Variants in FAM13A observed in about 807,000 individuals in gnomAD.
FAM13A encodes the protein protein FAM13A.
In FAM13A, 76 loss-of-function variants were observed where a neutral mutation model predicts 129.6. The observed-to-expected ratio is 0.59, with a 90% CI of 0.49 to 0.71. The LOEUF (loss-of-function observed/expected upper bound fraction) is 0.71, where lower values mean the gene tolerates loss of function less well. FAM13A is among the 30% of genes least tolerant of loss of function. The pLI, the probability that FAM13A is intolerant of heterozygous loss-of-function variation, is 0.00. For missense variants in FAM13A, 1,108 were observed against 1,249.3 expected (o/e 0.89, Z 1.70); for synonymous variants, 443 against 449.9 (o/e 0.98, Z 0.20).
intron 1 of FAM13A, among the ~76,000 whole-genome samples, chr4:89,055,646 A>G (rs1257280119): frequency 6.6e-6 from 1 of 152,156 alleles, no homozygotes; most frequent in East Asian, 1.9e-4. Context: ...TCTTTTATAA[A>G]GCTAGAAAAA....
intron 20 of FAM13A, 141 bp from the exon 21 acceptor site, chr4:88,737,696 A>G: frequency 1.4e-6 from 1 of 696,544 alleles, no homozygotes; most frequent in Non-Finnish European, 2.5e-6. Flanking sequence ...CTCCCAGGAA[A>G]ACCTGAAACA....
At chr4:88,750,660 TC>T in intron 14 of FAM13A, 23 bp from the exon 15 acceptor site, 7 of 1,204,718 alleles carry the variant, frequency 5.8e-6, no homozygotes, top group Non-Finnish European at 7.8e-6. Flanking sequence ...GGCAGTAAGA[TC>T]AGGACTGTTC....
At chr4:88,788,315 T>C (rs749754202) in intron 9 of FAM13A, among the ~76,000 whole-genome samples, 3 of 152,176 alleles carry the variant, frequency 2.0e-5, no homozygotes, top group African/African-American at 4.8e-5. Context: ...GGCAATTTCA[T>C]ACCAATTCTA....
chr4:89,045,844 A>G (rs756649082), intron 1 of FAM13A, among the ~76,000 whole-genome samples: 3 of 151,872 alleles, frequency 2.0e-5, no homozygotes, highest in Admixed American at 1.3e-4. Flanking sequence ...ACCAACATGG[A>G]GAAACCCCGT....
chr4:88,859,854 T>C (rs112229023), intron 6 of FAM13A, among the ~76,000 whole-genome samples: 2,149 of 152,130 alleles, frequency 0.014, 60 homozygotes, highest in African/African-American at 0.049. Flanking sequence ...TTTCCACATG[T>C]TGTCCTTATT....
chr4:88,953,996 A>G (rs549373182), intron 4 of FAM13A, among the ~76,000 whole-genome samples: 2 of 152,190 alleles, frequency 1.3e-5, no homozygotes, highest in African/African-American at 4.8e-5. Flanking sequence ...GTCAGCCTCT[A>G]CCCAAACCAA....
chr4:89,007,508 C>G (rs912294865), intron 3 of FAM13A, among the ~76,000 whole-genome samples: 1 of 152,202 alleles, frequency 6.6e-6, no homozygotes, highest in Non-Finnish European at 1.5e-5. Context: ...CCCCTGCCAA[C>G]CTCTTGACCA....
At chr4:88,884,818 T>C (rs62308746) in intron 6 of FAM13A, among the ~76,000 whole-genome samples, 44,490 of 151,996 alleles carry the variant, frequency 0.29, 6,893 homozygotes, top group African/African-American at 0.39. Flanking sequence ...ACAAAATTAA[T>C]GCACACAAAT....
At chr4:88,790,819 A>G (rs1311195086) in intron 8 of FAM13A, among the ~76,000 whole-genome samples, 192 bp from the exon 9 acceptor site, 5 of 152,144 alleles carry the variant, frequency 3.3e-5, no homozygotes, top group African/African-American at 1.2e-4. Context: ...CTGCTTGCTT[A>G]TAACAGTGGC....
chr4:88,944,903 C>CA (rs35402009), intron 4 of FAM13A, among the ~76,000 whole-genome samples: 43,344 of 137,148 alleles, frequency 0.32, 7,095 homozygotes, highest in Middle Eastern at 0.44. Context: ...AACTCTGTCT[C>CA]AAAAAAAAAA....
chr4:89,027,738 C>A (rs1768155846), intron 2 of FAM13A, among the ~76,000 whole-genome samples: 1 of 152,222 alleles, frequency 6.6e-6, no homozygotes, highest in South Asian at 2.1e-4. Context: ...CACCTGAACA[C>A]AAGCACTGTG....
chr4:88,739,621 CAAA>C lies in FAM13A; in HGVS notation c.2467-499_2467-497del, dbSNP rs5860146. 2.7e-3 allele frequency among the ~76,000 whole-genome samples: 300 copies of C among 112,646 alleles called. 1 individual carries two copies. Among genetic ancestry groups the C allele is most frequent in the Middle Eastern group, 9.0e-3 (2 of 222 alleles). The allele number at this position is 112,646 out of a possible 152,430, so 73.9% of individuals were successfully genotyped here. A position where few individuals can be genotyped will look rare whatever the true frequency, so the allele number is the denominator to read the frequency against. Reference sequence around the variant, plus strand: ...GAAACCCCGTCTCTACTAAAAAATACAAAAAAAAAAAAAAAAATTAGCTGAGTG... The same window carrying C: ...GAAACCCCGTCTCTACTAAAAAATACAAAAAAAAAAAAAATTAGCTGAGTG... On this transcript the variant is annotated intron_variant, in intron 19 of 23. Coordinates refer to ENST00000264344, the MANE Select transcript of FAM13A (RefSeq NM_014883.4).
intron 3 of FAM13A, among the ~76,000 whole-genome samples, chr4:89,001,887 A>G (rs1764297911): frequency 6.6e-6 from 1 of 152,178 alleles, no homozygotes; most frequent in African/African-American, 2.4e-5. Context: ...AAATGGCCCT[A>G]TTATTACGGT....
intron 7 of FAM13A, among the ~76,000 whole-genome samples, chr4:88,831,296 C>T (rs1733850653): frequency 6.6e-6 from 1 of 152,212 alleles, no homozygotes; most frequent in Admixed American, 6.5e-5. Context: ...GCTGCTACCA[C>T]ACCTGAGATC....
chr4:88,979,451 C>T (rs1761359004), intron 4 of FAM13A, among the ~76,000 whole-genome samples: 1 of 152,154 alleles, frequency 6.6e-6, no homozygotes, highest in South Asian at 2.1e-4. Flanking sequence ...AGCTGAGGAG[C>T]CAGGCCTTCT....
chr4:88,852,560 A>T (rs1383697015), intron 6 of FAM13A, among the ~76,000 whole-genome samples: 3 of 152,202 alleles, frequency 2.0e-5, no homozygotes, highest in African/African-American at 7.2e-5. Flanking sequence ...ACTTTAATCT[A>T]AGTTTTCTCA....
intron 6 of FAM13A, among the ~76,000 whole-genome samples, chr4:88,897,791 A>AT (rs1746601702): frequency 6.6e-6 from 1 of 152,168 alleles, no homozygotes; most frequent in Admixed American, 6.6e-5. Flanking sequence ...AGAAAAGAAG[A>AT]TTTTAAGATA....
intron 7 of FAM13A, among the ~76,000 whole-genome samples, chr4:88,821,699 A>G (rs1274883940): frequency 2.0e-5 from 3 of 152,176 alleles, no homozygotes; most frequent in Admixed American, 6.5e-5. Context: ...GACTCCACAA[A>G]GTGTTTTAGT....
intron 7 of FAM13A, among the ~76,000 whole-genome samples, chr4:88,829,156 T>C (rs1275759694): frequency 1.3e-5 from 2 of 152,204 alleles, no homozygotes; most frequent in African/African-American, 2.4e-5. Context: ...TTTTCAGATA[T>C]TGTTTTAAAA....
Sources: allele counts gnomAD v4.1 joint callset (sites outside exome capture counted in the v4.1 genomes callset), GRCh38; gene constraint gnomAD v4.1.1; transcripts MANE v1.5; gene names NCBI Gene and HGNC (gene_info 2026-07-23, HGNC 2026-07-21).